CCNC: variants seen among roughly 807,000 people sequenced by gnomAD.
CCNC encodes cyclin C.
Under a neutral mutation model 50.0 loss-of-function variants are expected in CCNC, and 19 were observed. The ratio of observed to expected loss-of-function variants is 0.38; its 90% CI spans 0.27 to 0.56. CCNC has a LOEUF of 0.56. Among genes scored for constraint, CCNC ranks in the 20% least tolerant of loss-of-function variants. The pLI is 0.72. For missense variants in CCNC, 200 were observed against 327.1 expected, an observed-to-expected ratio of 0.61 and a Z score of 3.00; for synonymous variants, 93 against 103.7, an observed-to-expected ratio of 0.90 and a Z score of 0.63.
At chr6:99,549,731 A>C in intron 8 of CCNC, 156 bp from the exon 9 acceptor site, 1 of 516,828 alleles carries the variant, frequency 1.9e-6, no homozygotes, top group Non-Finnish European at 3.4e-6. Flanking sequence ...TCAAGGCAAA[A>C]GGATGGATAC....
Position 99,542,482 on chromosome 6 carries a change from C to T in CCNC, c.*1073G>A, listed in dbSNP as rs1801920495. 1 of 152,508 alleles carries T rather than the reference C, an allele frequency of 6.6e-6. No individual in the cohort carries two copies. The highest frequency in any genetic ancestry group is 2.1e-4 in the South Asian group (1 of 4,828). 9.4% of individuals were successfully genotyped at this position (152,508 alleles called of 1,614,324 possible). On this transcript the variant is annotated 3_prime_UTR_variant, in exon 12 of 12. Transcript: ENST00000520429. ...CACAATTGATTAAAAATGTTTAATC[C>T]TTAAATTGTGCATCAATATCCTATG...
upstream of CCNC, chr6:99,568,697 C>T (rs1445897069): frequency 2.7e-6 from 4 of 1,461,448 alleles, no homozygotes; most frequent in Non-Finnish European, 3.6e-6. Flanking sequence ...GTCTCCTTCA[C>T]GCCGGCCGAC....
chr6:99,550,698 T>G (rs1802256641), intron 7 of CCNC: 1 of 250,014 alleles, frequency 4.0e-6, no homozygotes, highest in Non-Finnish European at 7.6e-6. Context: ...ACACACAAAT[T>G]GTGCACATAA....
intron 1 of CCNC, among the ~76,000 whole-genome samples, chr6:99,566,607 T>C (rs925928625): frequency 2.0e-5 from 3 of 152,176 alleles, no homozygotes; most frequent in Non-Finnish European, 2.9e-5. Flanking sequence ...ACACTGTGGT[T>C]TGCTAATTAA....
In CCNC at chr6:99,544,116, GAAAATGCTGAATACTTAAAATA is replaced by G. The variant is rs533819630; in HGVS notation, c.798-529_798-508del. On this transcript the variant is annotated intron_variant, in intron 11 of 11. Transcript: ENST00000520429. ...CAGCAAGAAATATGGTAATTTCCTG[GAAAATGCTGAATACTTAAAATA>G]AAAATGCTGAATACTTAAAAATAAC... The G allele has an allele frequency of 4.1e-4, 593 of 1,431,144 alleles. 9 individuals are homozygous for G. In the South Asian group the frequency reaches 7.6e-3, roughly 18 times the overall value. 88.7% of individuals were successfully genotyped at this position (1,431,144 alleles called of 1,614,324 possible). A position where few individuals can be genotyped will look rare whatever the true frequency, so the allele number is the denominator to read the frequency against.
At chr6:99,548,329 C>T (rs1475792280) in intron 9 of CCNC, among the ~76,000 whole-genome samples, 1 of 152,084 alleles carries the variant, frequency 6.6e-6, no homozygotes, top group Non-Finnish European at 1.5e-5. Context: ...GGTAGGACAC[C>T]ACTCAAAATC....
chr6:99,546,673 T>C (rs2114253455), intron 9 of CCNC, among the ~76,000 whole-genome samples, 199 bp from the exon 10 acceptor site: 1 of 152,328 alleles, frequency 6.6e-6, no homozygotes, highest in African/African-American at 2.4e-5. Context: ...CATCAAGTTC[T>C]TGACATCTGG....
At chr6:99,548,785 AGAGT>A (rs1342449804) in intron 9 of CCNC, among the ~76,000 whole-genome samples, 7 of 141,842 alleles carry the variant, frequency 4.9e-5, no homozygotes, top group African/African-American at 1.9e-4. Context: ...CCTGGGAGAC[AGAGT>A]GAGACTCCAT....
At chr6:99,560,150 A>G (rs1802717216) in intron 4 of CCNC, among the ~76,000 whole-genome samples, 1 of 152,238 alleles carries the variant, frequency 6.6e-6, no homozygotes, top group Non-Finnish European at 1.5e-5. Context: ...AAATTAATCT[A>G]CAAGATTAAA....
At chr6:99,558,377 G>T in intron 5 of CCNC, 120 bp downstream of exon 5, 1 of 1,457,488 alleles carries the variant, frequency 6.9e-7, no homozygotes, top group Non-Finnish European at 9.1e-7. Flanking sequence ...GTTATCCTCA[G>T]GAAATTTAAT....
rs117294428 is a variant in CCNC at position 99,543,547 on chromosome 6, G to A, written c.*8C>T. On this transcript the variant is annotated 3_prime_UTR_variant, in exon 12 of 12. Transcript: ENST00000520429. ...CAAGTGGTCCACTATGGAATTCTTC[G>A]GAATGTTTTAAGATTGGCTGTAGCT... 258 of 1,612,896 alleles carry A rather than the reference G, an allele frequency of 1.6e-4. No individual in the cohort carries two copies. The highest frequency in any genetic ancestry group is 2.0e-4 in the Non-Finnish European group (233 of 1,179,278).
intron 4 of CCNC, among the ~76,000 whole-genome samples, chr6:99,559,679 A>G (rs1266005091): frequency 5.3e-5 from 8 of 151,268 alleles, no homozygotes; most frequent in Non-Finnish European, 1.2e-4. Context: ...TAATGCTACG[A>G]CCAAATCTGA....
chr6:99,550,480 A>T, intron 7 of CCNC, 171 bp from the exon 8 acceptor site: 1 of 553,316 alleles, frequency 1.8e-6, no homozygotes, highest in South Asian at 2.5e-5. Context: ...CCTAAACTCT[A>T]CCGTAATAGT....
rs1009737842 is a variant in CCNC at position 99,542,827 on chromosome 6, G to A, written c.*728C>T. 2 of 152,422 alleles carry A rather than the reference G, an allele frequency of 1.3e-5. No individual in the cohort carries two copies. Among genetic ancestry groups the A allele is most frequent in the African/African-American group, 4.8e-5 (2 of 41,406 alleles). 9.4% of individuals were successfully genotyped at this position (152,422 alleles called of 1,614,324 possible). A position where few individuals can be genotyped will look rare whatever the true frequency, so the allele number is the denominator to read the frequency against. On this transcript the variant is annotated 3_prime_UTR_variant, in exon 12 of 12. Transcript: ENST00000520429. The stretch of plus-strand genomic sequence containing the variant: ...CATTATGGTTTTTGAATCCAATTAA[G>A]CTTTCAAAATGCCTGATTAGCTGTG...
At position 99,558,612 on chromosome 6, in the gene CCNC, A is replaced by G. The variant is rs1056280670; in HGVS notation, c.295-64T>C. 1.2e-5 allele frequency: 17 copies of G among 1,453,168 alleles called. No homozygotes were observed. The East Asian group carries it at 3.8e-4, about 32-fold the overall frequency. The allele number at this position is 1,453,168 out of a possible 1,614,324, so 90.0% of individuals were successfully genotyped here. A position where few individuals can be genotyped will look rare whatever the true frequency, so the allele number is the denominator to read the frequency against. ...TCTAAGGGTATCTGAACTCTATTCA[A>G]AACAGGATTTCCTTGCTCCTGTTTA... On this transcript the variant is annotated intron_variant, in intron 4 of 11. Coordinates refer to ENST00000520429, the MANE Select transcript of CCNC (RefSeq NM_005190.4).
chr6:99,543,747 G>T lies in CCNC; in HGVS notation c.798-138C>A, dbSNP rs180805431. On this transcript the variant is annotated intron_variant, in intron 11 of 11. Transcript: ENST00000520429. ...AAAGACATTCCTCATTATAAGACAC[G>T]TGAAAAATTAAAATCCAGAAGACTA... The T allele has an allele frequency of 3.5e-6, 5 of 1,431,022 alleles. No individual in the cohort carries two copies. In the Admixed American group the frequency reaches 8.4e-5, roughly 24 times the overall value. The allele number at this position is 1,431,022 out of a possible 1,614,324, so 88.6% of individuals were successfully genotyped here.
rs532272130 is a variant in CCNC, at chr6:99,557,504, G to A, written c.346+993C>T. 7.2e-5 allele frequency: 11 copies of A among 152,052 alleles called. No homozygotes were observed. In the East Asian group the frequency reaches 1.4e-3, roughly 19 times the overall value. The allele number at this position is 152,052 out of a possible 1,614,324, so 9.4% of individuals were successfully genotyped here. A position where few individuals can be genotyped will look rare whatever the true frequency, so the allele number is the denominator to read the frequency against. On this transcript the variant is annotated intron_variant, in intron 5 of 11. Transcript: ENST00000520429. ...GTATTTGGAGAGAGGGTCTTTAAAGGGATAAGATTAAATGAGGACAGGCCA... is the reference window on the plus strand; with the variant it reads ...GTATTTGGAGAGAGGGTCTTTAAAGAGATAAGATTAAATGAGGACAGGCCA...
chr6:99,560,283 C>G (rs183950218), intron 4 of CCNC, among the ~76,000 whole-genome samples: 47 of 152,248 alleles, frequency 3.1e-4, no homozygotes, highest in African/African-American at 1.1e-3. Context: ...TTAGAAAACT[C>G]AATCCATAAT....
chr6:99,548,470 C>T (rs1802158282), intron 9 of CCNC, among the ~76,000 whole-genome samples: 1 of 151,492 alleles, frequency 6.6e-6, no homozygotes, highest in Non-Finnish European at 1.5e-5. Context: ...TGAACAAAGA[C>T]AAACCAATGG....
Sources: allele counts gnomAD v4.1 joint callset (sites outside exome capture counted in the v4.1 genomes callset), GRCh38; gene constraint gnomAD v4.1.1; transcripts MANE v1.5; gene names NCBI Gene and HGNC (gene_info 2026-07-23, HGNC 2026-07-21).